ACSM4: variants seen among roughly 807,000 people sequenced by gnomAD.
ACSM4 encodes the protein acyl-CoA synthetase medium chain family member 4.
A neutral mutation model predicts 73.0 loss-of-function variants in ACSM4; 66 were observed. The observed-to-expected ratio is 0.90, with a 90% confidence interval of 0.74 to 1.11. ACSM4 has a LOEUF of 1.11. Among genes scored for constraint, ACSM4 ranks in the 50% least tolerant of loss-of-function variants. The pLI is 0.00. For synonymous variants in ACSM4, 222 were observed against 254.0 expected (o/e 0.87, Z 1.20); for missense variants, 645 against 714.4 (o/e 0.90, Z 1.11).
At chr12:7,317,546 C>T (rs771117860) in intron 4 of ACSM4, among the ~76,000 whole-genome samples, 12 of 152,252 alleles carry the variant, frequency 7.9e-5, no homozygotes, top group African/African-American at 2.4e-4. Context: ...GGAAGGCCTA[C>T]CCAGAAAGGC....
At chr12:7,324,177 A>G in intron 9 of ACSM4, 96 bp from the exon 10 acceptor site, 2 of 1,429,448 alleles carry the variant, frequency 1.4e-6, no homozygotes, top group Non-Finnish European at 1.9e-6. Context: ...AATTTCCTAT[A>G]TAAGTAGGAT....
Position 7,328,348 on chromosome 12 carries a change from G to A in ACSM4, c.1718G>A (p.Arg573Lys), listed in dbSNP as rs1402976468. Residue 573 changes from arginine to lysine, a missense_variant, in exon 13 of 13, where the codon AGA (arginine) becomes AAA (lysine). Transcript: ENST00000399422. ...ITGKIKRNVL[R>K]DQEWRGR ...GGGAAAATCAAACGCAACGTTTTAA[G>A]AGACCAAGAATGGAGAGGAAGATAG... 1.3e-6 allele frequency: 2 copies of A among 1,593,990 alleles called. No individual in the cohort carries two copies. The highest frequency in any genetic ancestry group is 1.7e-5 in the Admixed American group (1 of 57,644).
In ACSM4 at chr12:7,318,143, G is replaced by T. The variant is rs778490875; in HGVS notation, c.882G>T (p.Val294=). The change falls in exon 5 of 13, where the codon GTG becomes GTT. Residue 294 remains valine (V), a synonymous_variant. Coordinates refer to ENST00000399422, the MANE Select transcript of ACSM4 (RefSeq NM_001080454.2). ...SSWLCGACVF[V]HRMAQFDTDT... ...GGCTGTGTGGAGCCTGTGTTTTTGT[G>T]CATCGAATGGCACAGTTTGACACTG... 6.2e-7 allele frequency: 1 copy of T among 1,613,656 alleles called. No individual in the cohort carries two copies. The highest frequency in any genetic ancestry group is 1.1e-5 in the South Asian group (1 of 91,066).
intron 11 of ACSM4, 80 bp downstream of exon 11, chr12:7,324,678 A>G: frequency 6.9e-7 from 1 of 1,442,074 alleles, no homozygotes; most frequent in South Asian, 1.2e-5. Flanking sequence ...GGCTGAACCA[A>G]GAGAGGTCAA....
At chr12:7,306,991 ACG>A (rs1471313949) in intron 2 of ACSM4, among the ~76,000 whole-genome samples, 1 of 152,220 alleles carries the variant, frequency 6.6e-6, no homozygotes. Flanking sequence ...GTGGTGGCTC[ACG>A]CCTGTAAGCC....
chr12:7,308,037 T>C (rs1026520077), intron 2 of ACSM4, among the ~76,000 whole-genome samples: 1 of 152,018 alleles, frequency 6.6e-6, no homozygotes, highest in Admixed American at 6.6e-5. Flanking sequence ...TAGGTGAGAC[T>C]AAGCTTAGTT....
chr12:7,328,514 C>A lies in ACSM4; in HGVS notation c.*141C>A. ...TCAACTGTTGATTTTTTGGTTTTTA[C>A]TTAGCTAAAAAGTTTAAAAGTAAAT... On this transcript the variant is annotated 3_prime_UTR_variant, in exon 13 of 13. Coordinates refer to ENST00000399422, the MANE Select transcript of ACSM4 (RefSeq NM_001080454.2). 1 of 586,452 alleles carries A rather than the reference C, an allele frequency of 1.7e-6. No individual in the cohort carries two copies. Among genetic ancestry groups the A allele is most frequent in the African/African-American group, 2.0e-5 (1 of 50,820 alleles). 36.3% of individuals were successfully genotyped at this position (586,452 alleles called of 1,614,324 possible).
intron 3 of ACSM4, among the ~76,000 whole-genome samples, chr12:7,315,825 G>A (rs1276953934): frequency 6.6e-6 from 1 of 152,054 alleles, no homozygotes; most frequent in Non-Finnish European, 1.5e-5. Flanking sequence ...GCCTGACTGG[G>A]GCTCAAGTAT....
intron 2 of ACSM4, among the ~76,000 whole-genome samples, chr12:7,308,864 T>A (rs1022814524): frequency 1.3e-5 from 2 of 152,154 alleles, no homozygotes; most frequent in African/African-American, 4.8e-5. Context: ...AAGAAATGAG[T>A]AGTTTGGCTT....
At chr12:7,325,705 C>G (rs906235305) in intron 11 of ACSM4, among the ~76,000 whole-genome samples, 1 of 152,034 alleles carries the variant, frequency 6.6e-6, no homozygotes, top group Non-Finnish European at 1.5e-5. Flanking sequence ...GTCTCATGAG[C>G]CTATTTAGGA....
In ACSM4 at chr12:7,304,140, G is replaced by A; in HGVS notation, c.-192G>A. 1.6e-6 allele frequency: 1 copy of A among 610,578 alleles called. No homozygotes were observed. The highest frequency in any genetic ancestry group is 2.9e-6 in the Non-Finnish European group (1 of 347,170). The allele number at this position is 610,578 out of a possible 1,614,324, so 37.8% of individuals were successfully genotyped here. ...TCCAGTGGCAGGGAGACCAGTCAGT[G>A]GCTAAGGCAGCAGCTCTGAGGAAGG... is the stretch of plus-strand genomic sequence containing the variant. On this transcript the variant is annotated 5_prime_UTR_variant, in exon 1 of 13. Coordinates refer to ENST00000399422, the MANE Select transcript of ACSM4 (RefSeq NM_001080454.2).
Position 7,317,174 on chromosome 12 carries a change from AGT to A in ACSM4, c.659_660del (p.Ser220ThrfsTer17). On this transcript the variant is annotated frameshift_variant, in exon 4 of 13. Transcript: ENST00000399422. LOFTEE classifies it high-confidence loss of function. The stretch of plus-strand genomic sequence containing the variant: ...AGAGCACAGCTGTGTGGAAACAGGA[AGT>A]CAAGAACCAATGACCATTTATTTCA... ...SEEHSCVETG[S>X]QEPMTIYFTS... 1 of 1,612,968 alleles carries A rather than the reference AGT, an allele frequency of 6.2e-7. No individual in the cohort carries two copies. The highest frequency in any genetic ancestry group is 8.5e-7 in the Non-Finnish European group (1 of 1,179,544).
intron 3 of ACSM4, among the ~76,000 whole-genome samples, chr12:7,314,568 G>A (rs1252225145): frequency 6.6e-6 from 1 of 152,070 alleles, no homozygotes; most frequent in Non-Finnish European, 1.5e-5. Context: ...ATAGGTGGAT[G>A]GATGAATAGA....
Position 7,304,309 on chromosome 12 carries a change from G to A in ACSM4, c.-23G>A, listed in dbSNP as rs1213679685. 2.5e-6 allele frequency: 4 copies of A among 1,610,736 alleles called. 1 individual carries two copies. The South Asian group carries it at 3.3e-5, about 13-fold the overall frequency. On this transcript the variant is annotated 5_prime_UTR_variant, in exon 1 of 13. Transcript: ENST00000399422. Reference sequence around the variant, plus strand: ...CTGTAGTACTTCTGTGTCCATAGCAGTAGACAAAGTCCTTTGGGAACCATG... The same window carrying A: ...CTGTAGTACTTCTGTGTCCATAGCAATAGACAAAGTCCTTTGGGAACCATG...
intron 3 of ACSM4, among the ~76,000 whole-genome samples, chr12:7,311,698 G>T (rs78485195): frequency 0.012 from 1,822 of 151,748 alleles, 32 homozygotes; most frequent in East Asian, 0.051. Flanking sequence ...TGTTGTTGTT[G>T]TTTTTTTTCT....
At chr12:7,318,347 C>A in intron 5 of ACSM4, 165 bp downstream of exon 5, 1 of 798,696 alleles carries the variant, frequency 1.3e-6, no homozygotes, top group Non-Finnish European at 1.9e-6. Context: ...ACGTATTTGA[C>A]AGAATGGAGG....
chr12:7,326,275 T>G (rs983466148), intron 11 of ACSM4, among the ~76,000 whole-genome samples: 6 of 152,162 alleles, frequency 3.9e-5, no homozygotes, highest in African/African-American at 1.4e-4. Context: ...CAGTTATAGC[T>G]CACTGTAACC....
chr12:7,319,401 C>G (rs1455449944), intron 5 of ACSM4, among the ~76,000 whole-genome samples: 1 of 151,918 alleles, frequency 6.6e-6, no homozygotes, highest in Non-Finnish European at 1.5e-5. Flanking sequence ...ACCAGCCTGG[C>G]CAAGATGGTG....
Position 7,304,290 on chromosome 12 carries a change from T to C in ACSM4, c.-42T>C, listed in dbSNP as rs1215719321. ...ATCCATCTCTCCCTACAGGCTGTAGTACTTCTGTGTCCATAGCAGTAGACA... is the reference window on the plus strand; with the variant it reads ...ATCCATCTCTCCCTACAGGCTGTAGCACTTCTGTGTCCATAGCAGTAGACA... On this transcript the variant is annotated 5_prime_UTR_variant, in exon 1 of 13. Coordinates refer to ENST00000399422, the MANE Select transcript of ACSM4 (RefSeq NM_001080454.2). 1.9e-6 allele frequency: 3 copies of C among 1,577,686 alleles called. No homozygotes were observed. Among genetic ancestry groups the C allele is most frequent in the South Asian group, 2.2e-5 (2 of 90,158 alleles).
Sources: allele counts gnomAD v4.1 joint callset (sites outside exome capture counted in the v4.1 genomes callset), GRCh38; gene constraint gnomAD v4.1.1; transcripts MANE v1.5; gene names NCBI Gene and HGNC (gene_info 2026-07-23, HGNC 2026-07-21).